GALNT14: variants seen among roughly 807,000 people sequenced by gnomAD.
The protein encoded by GALNT14 is UDP-GalNAc:polypeptide N-acetylgalactosaminyltransferase 14.
In GALNT14, 60 loss-of-function variants were observed where a neutral mutation model predicts 77.5. The observed-to-expected ratio is 0.77, with a 90% confidence interval of 0.63 to 0.96. GALNT14 has a LOEUF of 0.96. Ranked by LOEUF, GALNT14 falls within the 40% of genes least tolerant of loss-of-function variation. The pLI, the probability that GALNT14 is intolerant of heterozygous loss-of-function variation, is 0.00. For missense variants in GALNT14, 710 were observed against 731.0 expected, an observed-to-expected ratio of 0.97 and a Z score of 0.33; for synonymous variants, 280 against 281.7, an observed-to-expected ratio of 0.99 and a Z score of 0.06.
chr2:30,933,638 G>A (rs1023906792), intron 9 of GALNT14, among the ~76,000 whole-genome samples: 3 of 152,276 alleles, frequency 2.0e-5, no homozygotes, highest in Middle Eastern at 3.4e-3. Flanking sequence ...CCCTCAGGGT[G>A]GGGACCATGT....
intron 2 of GALNT14, among the ~76,000 whole-genome samples, chr2:30,975,874 A>G (rs73923316): frequency 7.9e-4 from 121 of 152,314 alleles, no homozygotes; most frequent in African/African-American, 2.8e-3. Context: ...TCATCATTTC[A>G]AAAAGAAAGA....
intron 6 of GALNT14, among the ~76,000 whole-genome samples, chr2:30,949,145 C>T (rs143864956): frequency 6.6e-6 from 1 of 152,142 alleles, no homozygotes; most frequent in African/African-American, 2.4e-5. Context: ...AATGAGTCAC[C>T]AAAGTCAGGA....
intron 13 of GALNT14, 142 bp downstream of exon 13, chr2:30,923,977 C>T (rs1006033459): frequency 9.9e-6 from 9 of 912,016 alleles, no homozygotes; most frequent in Non-Finnish European, 1.4e-5. Flanking sequence ...GTGGGGGGAT[C>T]ACACCTCTCA....
chr2:31,025,328 A>G (rs1028918501), intron 1 of GALNT14, among the ~76,000 whole-genome samples: 1 of 152,080 alleles, frequency 6.6e-6, no homozygotes, highest in African/African-American at 2.4e-5. Context: ...GTTAATCCAG[A>G]CCCATGAGCA....
the GALNT14 span, among the ~76,000 whole-genome samples, chr2:30,896,667 T>C: frequency 1.1e-4 from 16 of 152,266 alleles, no homozygotes; most frequent in Non-Finnish European, 1.2e-4. Flanking sequence ...GTTTTGCAAT[T>C]AAGAAATTAA....
At chr2:31,032,848 C>T (rs1672500016) in intron 1 of GALNT14, among the ~76,000 whole-genome samples, 1 of 152,146 alleles carries the variant, frequency 6.6e-6, no homozygotes, top group African/African-American at 2.4e-5. Flanking sequence ...CTTTATTTTG[C>T]TCAATGCTGG....
chr2:30,979,940 C>A (rs929396598), intron 2 of GALNT14, among the ~76,000 whole-genome samples: 1 of 152,222 alleles, frequency 6.6e-6, no homozygotes, highest in East Asian at 1.9e-4. Flanking sequence ...CCTCTGCTGG[C>A]CTTGGCTTCC....
intron 1 of GALNT14, among the ~76,000 whole-genome samples, chr2:31,046,227 CTTTTT>C (rs57864916): frequency 7.5e-6 from 1 of 134,056 alleles, no homozygotes. Context: ...AACCCATATT[CTTTTT>C]TTTTTTTTTT....
chr2:30,890,159 G>A, the GALNT14 span, among the ~76,000 whole-genome samples: 5 of 152,156 alleles, frequency 3.3e-5, no homozygotes, highest in African/African-American at 7.2e-5. Flanking sequence ...GGAGGAGCCC[G>A]GTGGTCTACA....
At chr2:31,024,949 A>G (rs1671948943) in intron 1 of GALNT14, among the ~76,000 whole-genome samples, 1 of 152,170 alleles carries the variant, frequency 6.6e-6, no homozygotes, top group Admixed American at 6.5e-5. Flanking sequence ...AAGTTGAAAT[A>G]CCTGATATGT....
intron 13 of GALNT14, among the ~76,000 whole-genome samples, chr2:30,915,237 A>G (rs1664607845): frequency 6.6e-6 from 1 of 152,078 alleles, no homozygotes; most frequent in South Asian, 2.1e-4. Flanking sequence ...TTATTTTGAC[A>G]TCCTCTACCC....
intron 1 of GALNT14, among the ~76,000 whole-genome samples, chr2:31,022,035 T>C (rs1172008669): frequency 2.0e-5 from 3 of 152,196 alleles, no homozygotes; most frequent in African/African-American, 7.2e-5. Flanking sequence ...CAGTACATAA[T>C]TAGATAGATA....
intron 1 of GALNT14, among the ~76,000 whole-genome samples, chr2:30,998,919 T>C (rs2148416626): frequency 6.6e-6 from 1 of 152,334 alleles, no homozygotes; most frequent in South Asian, 2.1e-4. Context: ...CTTCGGGCTA[T>C]TCCTCCTTCA....
chr2:31,083,766 A>G (rs191562726), intron 1 of GALNT14, among the ~76,000 whole-genome samples: 114 of 152,344 alleles, frequency 7.5e-4, no homozygotes, highest in African/African-American at 2.6e-3. Flanking sequence ...GTGGGCAGGC[A>G]CTGCTGCCCT....
At chr2:30,988,453 G>A (rs1669457747) in intron 2 of GALNT14, among the ~76,000 whole-genome samples, 2 of 152,212 alleles carry the variant, frequency 1.3e-5, no homozygotes, top group Non-Finnish European at 2.9e-5. Context: ...GGCAGGACAT[G>A]GAGCCTGTGA....
At chr2:30,999,899 T>C (rs1670257948) in intron 1 of GALNT14, among the ~76,000 whole-genome samples, 1 of 152,252 alleles carries the variant, frequency 6.6e-6, no homozygotes, top group African/African-American at 2.4e-5. Context: ...GTGAGTGTCG[T>C]AAACACTTCC....
At chr2:30,900,053 CTT>C in the GALNT14 span, among the ~76,000 whole-genome samples, 1 of 152,334 alleles carries the variant, frequency 6.6e-6, no homozygotes, top group South Asian at 2.1e-4. Context: ...ACCAAGTCCA[CTT>C]AACTCTATTA....
chr2:31,128,977 A>AC (rs201032287), intron 1 of GALNT14, among the ~76,000 whole-genome samples: 9,043 of 134,552 alleles, frequency 0.067, 330 homozygotes, highest in South Asian at 0.14. Flanking sequence ...GAAAAAAAAA[A>AC]AAAACACACA....
Position 30,966,304 on chromosome 2 carries a change from T to C in GALNT14, c.300-2A>G, listed in dbSNP as rs758033750. 5 of 1,611,562 alleles carry C rather than the reference T, an allele frequency of 3.1e-6. No individual in the cohort carries two copies. Among genetic ancestry groups the C allele is most frequent in the Middle Eastern group, 1.7e-4 (1 of 6,054 alleles). On this transcript the variant is annotated splice_acceptor_variant, in intron 2 of 14. Coordinates refer to ENST00000349752, the MANE Select transcript of GALNT14 (RefSeq NM_024572.4). LOFTEE classifies it high-confidence loss of function. ...GTGCAATACACCAGCAGTGTGCATC[T>C]GGGGAAGGAAAGGCACAGGGCAAGT... is the stretch of plus-strand genomic sequence containing the variant.
Sources: allele counts gnomAD v4.1 joint callset (sites outside exome capture counted in the v4.1 genomes callset), GRCh38; gene constraint gnomAD v4.1.1; transcripts MANE v1.5; gene names NCBI Gene and HGNC (gene_info 2026-07-23, HGNC 2026-07-21).